Variants in ZNF570 observed in about 807,000 individuals in gnomAD.
ZNF570 encodes zinc finger protein 570.
In ZNF570, 8 loss-of-function variants were observed where a neutral mutation model predicts 14.2. The ratio of observed to expected loss-of-function variants is 0.56; its 90% confidence interval spans 0.33 to 1.02. ZNF570 has a LOEUF of 1.02. ZNF570 is among the 50% of genes least tolerant of loss of function. The probability of loss-of-function intolerance (pLI) is 0.03; values close to 1 mark genes in which losing one functional copy is unlikely to be tolerated. For synonymous variants in ZNF570, 202 were observed against 207.6 expected, an observed-to-expected ratio of 0.97 and a Z score of 0.23; for missense variants, 559 against 624.9, an observed-to-expected ratio of 0.89 and a Z score of 1.12.
chr19:37,482,961 G>A (rs62110438), intron 4 of ZNF570, among the ~76,000 whole-genome samples: 2 of 150,564 alleles, frequency 1.3e-5, no homozygotes, highest in Non-Finnish European at 1.5e-5. Context: ...TAAGTTTCCC[G>A]AGGCCTTCTC....
chr19:37,469,860 G>A (rs1266277822), intron 1 of ZNF570, among the ~76,000 whole-genome samples: 1 of 152,196 alleles, frequency 6.6e-6, no homozygotes, highest in South Asian at 2.1e-4. Context: ...GGTTGGCACT[G>A]TAGTTTTTCA....
chr19:37,477,253 A>AT (rs1347075539), intron 4 of ZNF570, among the ~76,000 whole-genome samples: 1 of 114,160 alleles, frequency 8.8e-6, no homozygotes, highest in African/African-American at 3.5e-5. Flanking sequence ...TGCATGTGTG[A>AT]TTTTTCCTAA....
chr19:37,488,634 AT>A lies in ZNF570; in HGVS notation c.*3402del, dbSNP rs1162872095. 1.3e-5 allele frequency: 2 copies of A among 152,292 alleles called. No individual in the cohort carries two copies. The highest frequency in any genetic ancestry group is 2.4e-5 in the African/African-American group (1 of 41,562). The allele number at this position is 152,292 out of a possible 1,614,324, so 9.4% of individuals were successfully genotyped here. ...ATAAACTATTTCATAATGCAAAAAA[AT>A]AAAGAATATTTAAATGATGTTTGCT... On this transcript the variant is annotated 3_prime_UTR_variant, in exon 5 of 5. Coordinates refer to ENST00000330173, the MANE Select transcript of ZNF570 (RefSeq NM_144694.5).
upstream of ZNF570, chr19:37,469,218 C>G: frequency 7.6e-7 from 1 of 1,315,934 alleles, no homozygotes; most frequent in Non-Finnish European, 9.7e-7. Context: ...GTTACAAACC[C>G]TGCGCGGAGC....
rs1242943653 is a variant in ZNF570 at position 37,487,383 on chromosome 19, TACAC to T, written c.*2152_*2155del. ...GGATTAAGGGAAGAAAACAGATAGA[TACAC>T]AAATAATATAGGCATTCATTCTGTT... On this transcript the variant is annotated 3_prime_UTR_variant, in exon 5 of 5. Transcript: ENST00000330173. 3 of 151,182 alleles carry T rather than the reference TACAC, an allele frequency of 2.0e-5. No homozygotes were observed. The highest frequency in any genetic ancestry group is 7.3e-5 in the African/African-American group (3 of 40,894). The allele number at this position is 151,182 out of a possible 1,614,324, so 9.4% of individuals were successfully genotyped here. A position where few individuals can be genotyped will look rare whatever the true frequency, so the allele number is the denominator to read the frequency against.
rs2042169984 is a variant in ZNF570, at chr19:37,487,601, C to T, written c.*2368C>T. ...AGTAACAAGAAACTAAATCAAGGAGCATTATATAGCCTAGACTGCAGAGAC... is the reference window on the plus strand; with the variant it reads ...AGTAACAAGAAACTAAATCAAGGAGTATTATATAGCCTAGACTGCAGAGAC... On this transcript the variant is annotated 3_prime_UTR_variant, in exon 5 of 5. Coordinates refer to ENST00000330173, the MANE Select transcript of ZNF570 (RefSeq NM_144694.5). 1 of 152,162 alleles carries T rather than the reference C, an allele frequency of 6.6e-6. No individual in the cohort carries two copies. The highest frequency in any genetic ancestry group is 2.4e-5 in the African/African-American group (1 of 41,450). The allele number at this position is 152,162 out of a possible 1,614,324, so 9.4% of individuals were successfully genotyped here. A position where few individuals can be genotyped will look rare whatever the true frequency, so the allele number is the denominator to read the frequency against.
intron 1 of ZNF570, 68 bp from the exon 2 acceptor site, chr19:37,470,236 A>G: frequency 6.9e-7 from 1 of 1,453,262 alleles, no homozygotes; most frequent in Non-Finnish European, 9.6e-7. Context: ...AATCCTAAAA[A>G]GTCTAGACTG....
In ZNF570 at chr19:37,483,896, GA is replaced by G; in HGVS notation, c.275del (p.Glu92GlyfsTer5). ...CTTTTCAGGCTGGGAGCCTATATGT[GA>G]GACTGAAGAATTAACCCCAAAGCAG... The part of the protein sequence containing the change: ...GLCSGWEPIC[E>X]TEELTPKQDF... On this transcript the variant is annotated frameshift_variant, in exon 5 of 5. Coordinates refer to ENST00000330173, the MANE Select transcript of ZNF570 (RefSeq NM_144694.5). LOFTEE classifies it low-confidence loss of function (END_TRUNC). 1 of 1,610,050 alleles carries G rather than the reference GA, an allele frequency of 6.2e-7. No individual in the cohort carries two copies. The highest frequency in any genetic ancestry group is 8.5e-7 in the Non-Finnish European group (1 of 1,178,518).
At position 37,480,920 on chromosome 19, in the gene ZNF570, G is replaced by A. The variant is rs111489177; in HGVS notation, c.257-2959G>A. On this transcript the variant is annotated intron_variant, in intron 4 of 4. Transcript: ENST00000330173. ...GCTGAGAACGTGCCACTGCACTACC[G>A]CCTAGGTGACAGAGCAAGGCTCTGT... Among the ~76,000 whole-genome samples, 563 of 151,524 alleles carry A rather than the reference G, an allele frequency of 3.7e-3. 6 individuals carry two copies. The highest frequency in any genetic ancestry group is 0.013 in the African/African-American group (541 of 41,326).
intron 4 of ZNF570, among the ~76,000 whole-genome samples, chr19:37,480,918 C>T (rs1400669498): frequency 6.6e-6 from 1 of 151,824 alleles, no homozygotes; most frequent in Non-Finnish European, 1.5e-5. Flanking sequence ...CACTGCACTA[C>T]CGCCTAGGTG....
upstream of ZNF570, chr19:37,467,814 G>A (rs2041873664): frequency 8.9e-6 from 13 of 1,465,958 alleles, no homozygotes; most frequent in East Asian, 3.2e-4. Flanking sequence ...GCGAATATGC[G>A]ACCTTTTGTG....
intron 2 of ZNF570, among the ~76,000 whole-genome samples, chr19:37,473,780 T>C (rs1022020502): frequency 6.6e-6 from 1 of 152,108 alleles, no homozygotes; most frequent in Non-Finnish European, 1.5e-5. Flanking sequence ...CAAAGAATGA[T>C]AGGAATGGCA....
chr19:37,480,948 C>CA (rs797021751), intron 4 of ZNF570, among the ~76,000 whole-genome samples: 2,892 of 134,652 alleles, frequency 0.021, 44 homozygotes, highest in African/African-American at 0.044. Context: ...GGCTCTGTCT[C>CA]AAAAAAAAAA....
chr19:37,485,078 G>A lies in ZNF570; in HGVS notation c.1456G>A (p.Ala486Thr). 6.2e-7 allele frequency: 1 copy of A among 1,612,818 alleles called. No individual in the cohort carries two copies. The highest frequency in any genetic ancestry group is 8.5e-7 in the Non-Finnish European group (1 of 1,179,698). Residue 486 changes from alanine (A) to threonine (T), a missense_variant, in exon 5 of 5, where the codon GCC becomes ACC. Coordinates refer to ENST00000330173, the MANE Select transcript of ZNF570 (RefSeq NM_144694.5). ...GGCTTTTAGTTACTGTGGATCCCTT[G>A]CCCAACATCAGAGAATTCATACTGG... ...GKAFSYCGSL[A>T]QHQRIHTGER...
rs1354553676 is a variant in ZNF570 at position 37,470,284 on chromosome 19, T to C, written c.-51-20T>C. The C allele has an allele frequency of 1.2e-6, 2 of 1,611,634 alleles. No homozygotes were observed. Among genetic ancestry groups the C allele is most frequent in the Non-Finnish European group, 1.7e-6 (2 of 1,178,272 alleles). ...GCTGCAAGAAAAGTCTAGTTTCTCA[T>C]GTTCTTTTCCCCATCTCAGTCATCT... On this transcript the variant is annotated intron_variant, in intron 1 of 4. Transcript: ENST00000330173.
chr19:37,470,387 G>A lies in ZNF570; in HGVS notation c.33G>A (p.Gln11=), dbSNP rs185806322. 6.2e-7 allele frequency: 1 copy of A among 1,613,236 alleles called. No homozygotes were observed. The highest frequency in any genetic ancestry group is 1.7e-5 in the Admixed American group (1 of 59,940). Residue 11 remains glutamine, a splice_region_variant and synonymous_variant, in exon 2 of 5, where the codon CAG becomes CAA. Coordinates refer to ENST00000330173, the MANE Select transcript of ZNF570 (RefSeq NM_144694.5). MAVGLLKAMY[Q]ELVTFRDVAV... ...TTGGGCTTCTTAAAGCCATGTACCA[G>A]GTGTGTTGGTGTTTTCTCGATTTCC...
At chr19:37,476,053 T>C in intron 3 of ZNF570, 46 bp downstream of exon 3, 1 of 1,564,580 alleles carries the variant, frequency 6.4e-7, no homozygotes, top group Non-Finnish European at 8.6e-7. Flanking sequence ...CAAAAGGGGC[T>C]CTTTGCTACC....
At chr19:37,473,370 G>A (rs1379582429) in intron 2 of ZNF570, among the ~76,000 whole-genome samples, 2 of 152,164 alleles carry the variant, frequency 1.3e-5, no homozygotes, top group Non-Finnish European at 2.9e-5. Flanking sequence ...TTAAGTGAGA[G>A]AGGGGCAGAG....
intron 2 of ZNF570, among the ~76,000 whole-genome samples, chr19:37,471,112 C>G (rs916218293): frequency 6.7e-6 from 1 of 148,566 alleles, no homozygotes; most frequent in Non-Finnish European, 1.5e-5. Flanking sequence ...CTCCCAGGTT[C>G]ACACCATTCT....
Sources: allele counts gnomAD v4.1 joint callset (sites outside exome capture counted in the v4.1 genomes callset), GRCh38; gene constraint gnomAD v4.1.1; transcripts MANE v1.5; gene names NCBI Gene and HGNC (gene_info 2026-07-23, HGNC 2026-07-21).